AKAP6: variants seen among roughly 807,000 people sequenced by gnomAD.
AKAP6 encodes A-kinase anchor protein 6.
A neutral mutation model predicts 188.5 loss-of-function variants in AKAP6; 58 were observed. The observed-to-expected ratio is 0.31, with a 90% CI of 0.25 to 0.38. The LOEUF (loss-of-function observed/expected upper bound fraction) is 0.38, where lower values mean the gene tolerates loss of function less well. Among genes scored for constraint, AKAP6 ranks in the 10% least tolerant of loss-of-function variants. The probability of loss-of-function intolerance (pLI) is 1.00; values close to 1 mark genes in which losing one functional copy is unlikely to be tolerated. For missense variants in AKAP6, 2,710 were observed against 2,740.0 expected (o/e 0.99, Z 0.24); for synonymous variants, 989 against 998.6 (o/e 0.99, Z 0.18).
chr14:32,805,484 G>A (rs1331966209), intron 12 of AKAP6, among the ~76,000 whole-genome samples: 1 of 152,154 alleles, frequency 6.6e-6, no homozygotes, highest in Non-Finnish European at 1.5e-5. Context: ...CTTCTGCGGT[G>A]AGCAACTTCC....
At chr14:32,769,064 T>TTTTTTTTTA in intron 11 of AKAP6, among the ~76,000 whole-genome samples, 1 of 141,300 alleles carries the variant, frequency 7.1e-6, no homozygotes, top group East Asian at 2.1e-4. Context: ...TTTTTTTTTT[T>TTTTTTTTTA]GAGACAGAGT....
chr14:32,379,022 G>A (rs562048955), intron 1 of AKAP6, among the ~76,000 whole-genome samples: 30 of 150,832 alleles, frequency 2.0e-4, no homozygotes, highest in Non-Finnish European at 3.7e-4. Flanking sequence ...GGGTTCAAGC[G>A]ATTCTCCTGC....
At chr14:32,535,439 G>A in intron 2 of AKAP6, 115 bp from the exon 3 acceptor site, 1 of 1,239,048 alleles carries the variant, frequency 8.1e-7, no homozygotes, top group East Asian at 2.4e-5. Context: ...TATCCAATGT[G>A]CTACTGTTGG....
chr14:32,518,054 A>G (rs1272464553), intron 2 of AKAP6, among the ~76,000 whole-genome samples: 2 of 152,208 alleles, frequency 1.3e-5, no homozygotes, highest in African/African-American at 2.4e-5. Context: ...GCTGTTCTGC[A>G]GCCTGTGCTG....
chr14:32,755,127 A>G (rs2032283029), intron 11 of AKAP6, among the ~76,000 whole-genome samples: 1 of 152,130 alleles, frequency 6.6e-6, no homozygotes. Context: ...TGAGACTTTC[A>G]TATGCATGCA....
At position 32,577,096 on chromosome 14, in the gene AKAP6, T is replaced by C. The variant is rs181237313; in HGVS notation, c.2347-24T>C. ...AACATGCCTTTCTTGCCCCTTTTTT[T>C]CCCCTTTTCTTTCCTTTCACAAGGG... On this transcript the variant is annotated intron_variant, in intron 4 of 13. Coordinates refer to ENST00000280979, the MANE Select transcript of AKAP6 (RefSeq NM_004274.5). The C allele has an allele frequency of 7.7e-4, 1,217 of 1,590,444 alleles. 14 individuals are homozygous for C. The South Asian group carries it at 0.01, about 13-fold the overall frequency.
At chr14:32,687,427 TCTCTCTCTCTCTCTTTCTC>T (rs1566647281) in intron 8 of AKAP6, among the ~76,000 whole-genome samples, 16 of 144,016 alleles carry the variant, frequency 1.1e-4, no homozygotes, top group African/African-American at 3.5e-4. Context: ...TCTCTCTCTC[TCTCTCTCTCTCTCTTTCTC>T]TCTTTCTCTT....
At chr14:32,614,536 A>C (rs1331401048) in intron 7 of AKAP6, among the ~76,000 whole-genome samples, 1 of 152,186 alleles carries the variant, frequency 6.6e-6, no homozygotes, top group Non-Finnish European at 1.5e-5. Flanking sequence ...TCTCATCATA[A>C]AAGGGAGTGT....
intron 4 of AKAP6, among the ~76,000 whole-genome samples, chr14:32,555,896 G>C (rs2383341): frequency 1.3e-5 from 2 of 151,820 alleles, no homozygotes; most frequent in African/African-American, 4.8e-5. Flanking sequence ...TAATGCTGCT[G>C]TGAACATGGG....
At chr14:32,640,596 G>T (rs1887712657) in intron 7 of AKAP6, among the ~76,000 whole-genome samples, 1 of 152,154 alleles carries the variant, frequency 6.6e-6, no homozygotes, top group Non-Finnish European at 1.5e-5. Context: ...AAATAAGCCA[G>T]TTATTCAACA....
intron 2 of AKAP6, among the ~76,000 whole-genome samples, chr14:32,528,003 T>C (rs1311302438): frequency 1.3e-5 from 2 of 152,232 alleles, no homozygotes; most frequent in Non-Finnish European, 2.9e-5. Context: ...GTGTTGTATC[T>C]ATTAACAAAA....
intron 7 of AKAP6, among the ~76,000 whole-genome samples, chr14:32,677,405 T>G (rs1889479004): frequency 6.6e-6 from 1 of 152,208 alleles, no homozygotes; most frequent in African/African-American, 2.4e-5. Flanking sequence ...AGTAGAGATT[T>G]CAAGGTTTAT....
chr14:32,808,912 C>T (rs2034155098), intron 12 of AKAP6, among the ~76,000 whole-genome samples: 1 of 152,104 alleles, frequency 6.6e-6, no homozygotes, highest in South Asian at 2.1e-4. Flanking sequence ...TGAATTTCTG[C>T]CAAAATGGGG....
chr14:32,741,164 C>CT (rs2031657865), intron 11 of AKAP6, among the ~76,000 whole-genome samples: 3 of 151,662 alleles, frequency 2.0e-5, no homozygotes, highest in Admixed American at 2.0e-4. Flanking sequence ...TTATTAATCT[C>CT]TTTTTCAGAT....
chr14:32,433,658 A>T lies in AKAP6; in HGVS notation c.165A>T (p.Pro55=), dbSNP rs1324461124. 6.2e-7 allele frequency: 1 copy of T among 1,613,888 alleles called. No homozygotes were observed. The highest frequency in any genetic ancestry group is 8.5e-7 in the Non-Finnish European group (1 of 1,179,970). Residue 55 remains proline (P), a synonymous_variant, in exon 2 of 14, where the codon CCA becomes CCT. Transcript: ENST00000280979. ...ACTCTGACCAGCAGTATGAAAAGCC[A>T]CCCCCACTACACACAGGGGCTGACT... ...DMDSDQQYEK[P]PPLHTGADWK...
At chr14:32,489,311 C>T (rs959531503) in intron 2 of AKAP6, among the ~76,000 whole-genome samples, 12 of 152,124 alleles carry the variant, frequency 7.9e-5, no homozygotes, top group Admixed American at 4.6e-4. Flanking sequence ...TGGGCTCAAG[C>T]GATCTTCCTG....
intron 4 of AKAP6, among the ~76,000 whole-genome samples, chr14:32,548,568 A>G (rs1883309298): frequency 6.6e-6 from 1 of 152,056 alleles, no homozygotes; most frequent in South Asian, 2.1e-4. Context: ...ATAGATAGAT[A>G]GATAGATAGA....
intron 7 of AKAP6, among the ~76,000 whole-genome samples, chr14:32,642,738 A>G (rs777284766): frequency 3.9e-5 from 6 of 152,276 alleles, no homozygotes; most frequent in African/African-American, 4.8e-5. Flanking sequence ...CCCTCAAGAA[A>G]CCTTATTTGA....
chr14:32,833,761 A>G lies in AKAP6; in HGVS notation c.*3956A>G. 1 of 152,330 alleles carries G rather than the reference A, an allele frequency of 6.6e-6. No homozygotes were observed. Among genetic ancestry groups the G allele is most frequent in the Middle Eastern group, 3.4e-3 (1 of 294 alleles). The allele number at this position is 152,330 out of a possible 1,614,324, so 9.4% of individuals were successfully genotyped here. ...GAAAAACTCACTTTTCAAGTGTCATATAATTCTTATATTTTAAATATAAAT... is the reference window on the plus strand; with the variant it reads ...GAAAAACTCACTTTTCAAGTGTCATGTAATTCTTATATTTTAAATATAAAT... On this transcript the variant is annotated 3_prime_UTR_variant, in exon 14 of 14. Transcript: ENST00000280979.
Sources: gnomAD v4.1 joint callset for allele counts (sites outside exome capture counted in the v4.1 genomes callset) on GRCh38, gnomAD v4.1.1 for gene constraint, MANE v1.5 for transcripts, NCBI Gene and HGNC (gene_info 2026-07-23, HGNC 2026-07-21) for gene names.